The following TPM2 variants were observed in gnomAD, a reference collection of about 807,000 sequenced individuals.
TPM2 encodes the protein tropomyosin 2.
TPM2 carries 26 observed loss-of-function variants against 41.0 expected under a neutral mutation model. That is an observed-to-expected ratio of 0.63 (90% confidence interval 0.46 to 0.88). The LOEUF (loss-of-function observed/expected upper bound fraction) is 0.88, where lower values mean the gene tolerates loss of function less well. Among genes scored for constraint, TPM2 ranks in the 40% least tolerant of loss-of-function variants. The pLI is 0.00. For missense variants in TPM2, 187 were observed against 355.2 expected (o/e 0.53, Z 3.81); for synonymous variants, 143 against 139.3 (o/e 1.03, Z -0.19).
Position 35,683,246 on chromosome 9 carries a change from G to A in TPM2, c.773-5C>T, listed in dbSNP as rs1230541017. 5.2e-6 allele frequency: 8 copies of A among 1,552,530 alleles called. No individual in the cohort carries two copies. The highest frequency in any genetic ancestry group is 6.1e-6 in the Non-Finnish European group (7 of 1,146,612). On this transcript the variant is annotated splice_polypyrimidine_tract_variant and splice_region_variant and intron_variant, in intron 8 of 8. Transcript: ENST00000645482. ...TCTTCTGGGCATAGACTTCATCTGG[G>A]GGGGGTCCAGGGAGGGGACCAGGTG...
intron 2 of TPM2, among the ~76,000 whole-genome samples, chr9:35,687,926 AAGAG>A (rs971444329): frequency 6.6e-6 from 1 of 152,072 alleles, no homozygotes; most frequent in Non-Finnish European, 1.5e-5. Context: ...AATGGGAAGC[AAGAG>A]AGAGGGAGAA....
In TPM2 at chr9:35,683,183, T is replaced by C; in HGVS notation, c.831A>G (p.Ala277=). 1 of 1,555,008 alleles carries C rather than the reference T, an allele frequency of 6.4e-7. No individual in the cohort carries two copies. The highest frequency in any genetic ancestry group is 8.7e-7 in the Non-Finnish European group (1 of 1,147,870). The change falls in exon 9 of 9, where the codon GCA becomes GCG. Residue 277 remains alanine (A), a synonymous_variant. Transcript: ENST00000645482. ...YKAISEELDN[A]LNDITSL ...CTCAGAGGGAGGTGATGTCATTGAG[T>C]GCGTTGTCCAGTTCCTCGCTAATGG...
chr9:35,689,979 C>T (rs1825167099), upstream of TPM2: 2 of 1,501,174 alleles, frequency 1.3e-6, no homozygotes, highest in African/African-American at 1.4e-5. Context: ...CGGGCGGGGC[C>T]GGCAACCAGG....
upstream of TPM2, chr9:35,689,934 C>G: frequency 1.9e-6 from 3 of 1,587,430 alleles, no homozygotes; most frequent in Non-Finnish European, 2.6e-6. Flanking sequence ...CTGGGACGTC[C>G]CGGCCACGCG....
At chr9:35,682,730 G>A (rs1301630200), downstream of TPM2, 6 of 1,316,082 alleles carry the variant, frequency 4.6e-6, no homozygotes, top group South Asian at 1.2e-5. Context: ...GGGGCCACAC[G>A]TGCCCACATG....
chr9:35,684,617 CCG>C, intron 6 of TPM2, 67 bp from the exon 7 acceptor site: 1 of 1,613,440 alleles, frequency 6.2e-7, no homozygotes, highest in Non-Finnish European at 8.5e-7. Context: ...CCATTGTACC[CCG>C]TAGGCTCCTG....
chr9:35,686,334 AG>A (rs2131855186), intron 2 of TPM2: 1 of 174,200 alleles, frequency 5.7e-6, no homozygotes, highest in African/African-American at 2.4e-5. Context: ...GTGCACAGTT[AG>A]TCTCCCAAAG....
At position 35,683,020 on chromosome 9, in the gene TPM2, T is replaced by TG. The variant is rs1020062388; in HGVS notation, c.*138dup. The TG allele has an allele frequency of 6.5e-7, 1 of 1,544,496 alleles. No homozygotes were observed. The highest frequency in any genetic ancestry group is 1.4e-5 in the African/African-American group (1 of 72,874). On this transcript the variant is annotated 3_prime_UTR_variant, in exon 9 of 9. Coordinates refer to ENST00000645482, the MANE Select transcript of TPM2 (RefSeq NM_003289.4). ...GTGCCAGAGTGGGTGGTGGGCATGA[T>TG]GGGGGCTCTCCCTAGGCTGCTCCCA...
At chr9:35,682,111 G>A, downstream of TPM2, 1 of 1,614,164 alleles carries the variant, frequency 6.2e-7, no homozygotes, top group Non-Finnish European at 8.5e-7. Flanking sequence ...GCAGGGTCTG[G>A]TCCAAGGTCT....
At position 35,689,568 on chromosome 9, in the gene TPM2, G is replaced by A. The variant is rs988047944; in HGVS notation, c.114+136C>T. ...AGCGGCTCTGGCGAAGGCCCTGAGG[G>A]TACTGCGAAGGCCCAGCCCCCACCC... On this transcript the variant is annotated intron_variant, in intron 1 of 8. Transcript: ENST00000645482. 2.0e-6 allele frequency: 3 copies of A among 1,499,572 alleles called. No individual in the cohort carries two copies. The African/African-American group carries it at 4.1e-5, about 21-fold the overall frequency. The allele number at this position is 1,499,572 out of a possible 1,614,324, so 92.9% of individuals were successfully genotyped here.
upstream of TPM2, chr9:35,689,934 C>T (rs1324201589): frequency 3.8e-6 from 6 of 1,587,430 alleles, no homozygotes; most frequent in Non-Finnish European, 4.3e-6. Flanking sequence ...CTGGGACGTC[C>T]CGGCCACGCG....
Position 35,685,270 on chromosome 9 carries a change from T to A in TPM2, c.562A>T (p.Ser188Cys), listed in dbSNP as rs757545443. ...CTTGTCACCCCCGGGTATCTTTACC[T>A]CTCGGCCACCTCAGCCCTCTCCTCC... ...RSEERAEVAE[S>C]KCGDLEEELK... Residue 188 changes from serine (S) to cysteine (C), a missense_variant and splice_region_variant, in exon 5 of 9, where the codon AGT becomes TGT. Coordinates refer to ENST00000645482, the MANE Select transcript of TPM2 (RefSeq NM_003289.4). This position sits in a 1 kb window ranked among gnomAD's most constrained non-coding sequence, Gnocchi z 5.0. 2 of 1,614,182 alleles carry A rather than the reference T, an allele frequency of 1.2e-6. No homozygotes were observed. The highest frequency in any genetic ancestry group is 3.3e-5 in the Admixed American group (2 of 60,022).
rs1424240558 is a variant in TPM2 at position 35,685,884 on chromosome 9, T to A, written c.241-104A>T. The A allele has an allele frequency of 2.0e-5, 31 of 1,569,630 alleles. No homozygotes were observed. Among genetic ancestry groups the A allele is most frequent in the Non-Finnish European group, 2.5e-5 (29 of 1,144,976 alleles). On this transcript the variant is annotated intron_variant, in intron 2 of 8. Transcript: ENST00000645482. The surrounding 1 kb of genome is among the most constrained non-coding windows in gnomAD (Gnocchi z 5.0). ...ATTCTTCTCAGAAAGAACTGAGGCT[T>A]CCTGGTTTCTAGACATTCTATGTGA...
chr9:35,687,790 A>G (rs2131859525), intron 2 of TPM2, among the ~76,000 whole-genome samples: 1 of 152,176 alleles, frequency 6.6e-6, no homozygotes, highest in Admixed American at 6.5e-5. Context: ...AGACTCTGGA[A>G]AGTTTGGGAA....
chr9:35,683,427 C>G (rs1824694693), intron 8 of TPM2, among the ~76,000 whole-genome samples, 186 bp from the exon 9 acceptor site: 3 of 152,182 alleles, frequency 2.0e-5, no homozygotes, highest in Admixed American at 2.0e-4. Context: ...CATCTCTACC[C>G]CATCTCTTTT....
At chr9:35,683,295 G>A (rs1439121966) in intron 8 of TPM2, 54 bp from the exon 9 acceptor site, 3 of 1,476,318 alleles carry the variant, frequency 2.0e-6, no homozygotes, top group African/African-American at 2.8e-5. Flanking sequence ...GGGAGTGGAG[G>A]GAAAGAGGAA....
At chr9:35,689,603 G>C (rs1256357293) in intron 1 of TPM2, 101 bp downstream of exon 1, 1 of 1,589,036 alleles carries the variant, frequency 6.3e-7, no homozygotes, top group Non-Finnish European at 8.5e-7. Flanking sequence ...CTGGGTGAGA[G>C]AGAGCCTTGG....
downstream of TPM2, chr9:35,682,090 G>A: frequency 3.7e-6 from 6 of 1,614,144 alleles, no homozygotes; most frequent in Non-Finnish European, 5.1e-6. Flanking sequence ...CTCACAGGTT[G>A]TTGAGTTCCA....
chr9:35,688,732 T>A (rs1003217306), intron 2 of TPM2, among the ~76,000 whole-genome samples: 2 of 152,052 alleles, frequency 1.3e-5, no homozygotes, highest in East Asian at 3.9e-4. Context: ...CATCTCTGGA[T>A]CCCTCTCCCT....
Sources: gnomAD v4.1 joint callset for allele counts (sites outside exome capture counted in the v4.1 genomes callset) on GRCh38, gnomAD v4.1.1 for gene constraint, Gnocchi (gnomAD v3.1) non-coding constraint, MANE v1.5 for transcripts, NCBI Gene and HGNC (gene_info 2026-07-23, HGNC 2026-07-21) for gene names.